The following SLIT2 variants were observed in gnomAD, a reference collection of about 807,000 sequenced individuals.
SLIT2 encodes slit guidance ligand 2, also known as slit homolog 2 protein.
Under a neutral mutation model 185.7 loss-of-function variants are expected in SLIT2, and 41 were observed. The observed-to-expected ratio is 0.22, with a 90% CI of 0.17 to 0.29. The LOEUF (loss-of-function observed/expected upper bound fraction) is 0.29. Among genes scored for constraint, SLIT2 ranks in the 10% least tolerant of loss-of-function variants. The pLI is 1.00. For synonymous variants in SLIT2, 693 were observed against 680.2 expected (o/e 1.02, Z -0.29); for missense variants, 1,571 against 1,909.0 (o/e 0.82, Z 3.30).
At chr4:20,325,411 A>G (rs9995199) in intron 4 of SLIT2, among the ~76,000 whole-genome samples, 83,826 of 113,032 alleles carry the variant, frequency 0.74, 30,530 homozygotes, top group South Asian at 0.81. Flanking sequence ...GGTCAGGGGT[A>G]GGGTGGGGGT....
intron 5 of SLIT2, among the ~76,000 whole-genome samples, chr4:20,474,348 GC>G (rs1715875863): frequency 6.6e-6 from 1 of 151,978 alleles, no homozygotes; most frequent in African/African-American, 2.4e-5. Flanking sequence ...TGGTTGCACT[GC>G]CTCTGAAAGC....
At position 20,252,186 on chromosome 4, in the gene SLIT2, C is replaced by G. The variant is rs1457540679; in HGVS notation, c.-1630C>G. Among the ~76,000 whole-genome samples, 1 of 152,054 alleles carries G rather than the reference C, an allele frequency of 6.6e-6. No individual in the cohort carries two copies. Among genetic ancestry groups the G allele is most frequent in the Non-Finnish European group, 1.5e-5 (1 of 68,002 alleles). On this transcript the variant is annotated 5_prime_UTR_variant, in exon 1 of 37. Coordinates refer to ENST00000504154, the MANE Select transcript of SLIT2 (RefSeq NM_004787.4). ...GGTTTTTGTTTGGCTACGCTGAGCGCCAGTCAGCCCCAGCGAACAACTCCA... is the reference window on the plus strand; with the variant it reads ...GGTTTTTGTTTGGCTACGCTGAGCGGCAGTCAGCCCCAGCGAACAACTCCA...
At chr4:20,580,939 G>A (rs1313107713) in intron 29 of SLIT2, among the ~76,000 whole-genome samples, 1 of 152,084 alleles carries the variant, frequency 6.6e-6, no homozygotes, top group African/African-American at 2.4e-5. Context: ...TGAGAGGAAA[G>A]AGACGTAAAA....
intron 4 of SLIT2, among the ~76,000 whole-genome samples, chr4:20,327,519 T>C (rs1719695205): frequency 6.6e-6 from 1 of 152,008 alleles, no homozygotes. Flanking sequence ...ATAGAGTAAT[T>C]GTTTTTCTTC....
intron 17 of SLIT2, 109 bp from the exon 18 acceptor site, chr4:20,533,463 A>G: frequency 1.4e-6 from 1 of 731,994 alleles, no homozygotes; most frequent in East Asian, 2.7e-5. Context: ...AGTGCTGGGC[A>G]GTGAAAAGTT....
intron 4 of SLIT2, among the ~76,000 whole-genome samples, chr4:20,329,263 C>T (rs1031594683): frequency 6.6e-6 from 1 of 151,612 alleles, no homozygotes. Context: ...AATTTACAGT[C>T]CATCAAGGAG....
At chr4:20,430,480 A>G (rs539939441) in intron 4 of SLIT2, among the ~76,000 whole-genome samples, 8 of 152,296 alleles carry the variant, frequency 5.3e-5, no homozygotes, top group Non-Finnish European at 1.0e-4. Context: ...TTTTTCCTGG[A>G]TAGCTGGTAT....
intron 17 of SLIT2, among the ~76,000 whole-genome samples, chr4:20,532,372 A>G (rs1560170688): frequency 6.8e-6 from 1 of 147,542 alleles, no homozygotes; most frequent in Non-Finnish European, 1.5e-5. Context: ...AACTTCCTTT[A>G]CTATTCCCCA....
chr4:20,263,941 A>G (rs1346820206), intron 3 of SLIT2, among the ~76,000 whole-genome samples: 1 of 151,842 alleles, frequency 6.6e-6, no homozygotes, highest in Admixed American at 6.6e-5. Flanking sequence ...ATTTTTAAAA[A>G]ATGTTCTTCC....
chr4:20,433,215 G>A (rs1410973933), intron 4 of SLIT2, among the ~76,000 whole-genome samples: 1 of 152,218 alleles, frequency 6.6e-6, no homozygotes, highest in Non-Finnish European at 1.5e-5. Context: ...GCACTGTGTT[G>A]ACTTAAGACT....
intron 3 of SLIT2, among the ~76,000 whole-genome samples, chr4:20,261,536 A>G (rs1712477402): frequency 6.6e-6 from 1 of 151,880 alleles, no homozygotes; most frequent in African/African-American, 2.4e-5. Flanking sequence ...ATGGGATTAG[A>G]TACTACAGTC....
rs966477564 is a variant in SLIT2 at position 20,268,888 on chromosome 4, A to G, written c.395+7A>G. On this transcript the variant is annotated splice_region_variant and intron_variant, in intron 4 of 36. Coordinates refer to ENST00000504154, the MANE Select transcript of SLIT2 (RefSeq NM_004787.4). ...CTGCGAAGCTATACAGGCTGTAAGTAGACACAAATAGTTATTGTTGCTTTG... is the reference window on the plus strand; with the variant it reads ...CTGCGAAGCTATACAGGCTGTAAGTGGACACAAATAGTTATTGTTGCTTTG... The G allele has an allele frequency of 1.3e-6, 2 of 1,536,646 alleles. No homozygotes were observed. Among genetic ancestry groups the G allele is most frequent in the East Asian group, 4.5e-5 (2 of 44,480 alleles).
chr4:20,553,796 T>C lies in SLIT2; in HGVS notation c.2562-9T>C, dbSNP rs758648147. 13 of 1,557,504 alleles carry C rather than the reference T, an allele frequency of 8.3e-6. No homozygotes were observed. Among genetic ancestry groups the C allele is most frequent in the Non-Finnish European group, 1.1e-5 (13 of 1,156,322 alleles). On this transcript the variant is annotated splice_polypyrimidine_tract_variant and intron_variant, in intron 25 of 36. Coordinates refer to ENST00000504154, the MANE Select transcript of SLIT2 (RefSeq NM_004787.4). ...ATGTGTGTGTGCTTCTGTGGTGTTG[T>C]TTTTCCAGAGCAATTGGAGCCAACC...
rs1208608380 is a variant in SLIT2, at chr4:20,253,809, G to A, written c.-7G>A. ...AGTGCCGGCGAGGAAGGAGGCGGCGGGGAAAGATGCGCGGCGTTGGCTGGC... is the reference window on the plus strand; with the variant it reads ...AGTGCCGGCGAGGAAGGAGGCGGCGAGGAAAGATGCGCGGCGTTGGCTGGC... On this transcript the variant is annotated 5_prime_UTR_variant, in exon 1 of 37. Transcript: ENST00000504154. 2 of 1,597,724 alleles carry A rather than the reference G, an allele frequency of 1.3e-6. No homozygotes were observed. The highest frequency in any genetic ancestry group is 1.7e-5 in the Admixed American group (1 of 59,978).
At chr4:20,354,435 C>T (rs1722135334) in intron 4 of SLIT2, among the ~76,000 whole-genome samples, 1 of 152,232 alleles carries the variant, frequency 6.6e-6, no homozygotes, top group Admixed American at 6.5e-5. Context: ...TTTGACAGTC[C>T]TAATCTGGGT....
chr4:20,485,745 G>T (rs13110908), intron 6 of SLIT2, among the ~76,000 whole-genome samples: 1 of 152,112 alleles, frequency 6.6e-6, no homozygotes, highest in East Asian at 1.9e-4. Flanking sequence ...AGCCTGACAC[G>T]AATGATTCTG....
intron 8 of SLIT2, chr4:20,490,691 G>T: frequency 1.3e-6 from 1 of 746,132 alleles, no homozygotes; most frequent in South Asian, 1.7e-5. Context: ...TAATATCATG[G>T]AATGTTCTCA....
At chr4:20,602,209 AG>A (rs1270609387) in intron 33 of SLIT2, among the ~76,000 whole-genome samples, 6 of 152,186 alleles carry the variant, frequency 3.9e-5, no homozygotes, top group African/African-American at 7.2e-5. Flanking sequence ...AATCTAGATA[AG>A]GGGAAACATT....
intron 36 of SLIT2, 81 bp from the exon 37 acceptor site, chr4:20,618,687 A>G: frequency 7.1e-7 from 1 of 1,416,708 alleles, no homozygotes; most frequent in Non-Finnish European, 9.5e-7. Context: ...AGGCTTCTGA[A>G]TTAAGTTGTG....
Sources: gnomAD v4.1 joint callset for allele counts (sites outside exome capture counted in the v4.1 genomes callset) on GRCh38, gnomAD v4.1.1 for gene constraint, MANE v1.5 for transcripts, NCBI Gene and HGNC (gene_info 2026-07-23, HGNC 2026-07-21) for gene names.